Variants in ANK3 observed in about 807,000 individuals in gnomAD.
ANK3 encodes the protein ankyrin-3.
Under a neutral mutation model 370.9 loss-of-function variants are expected in ANK3, and 57 were observed. The ratio of observed to expected loss-of-function variants is 0.15; its 90% confidence interval spans 0.12 to 0.19. ANK3 has a LOEUF of 0.19. Ranked by LOEUF, ANK3 falls within the 10% of genes least tolerant of loss-of-function variation. The pLI is 1.00. For synonymous variants in ANK3, 1,929 were observed against 1,946.3 expected (o/e 0.99, Z 0.23); for missense variants, 4,439 against 5,302.1 (o/e 0.84, Z 5.06).
chr10:60,599,246 T>G (rs1027187658), intron 2 of ANK3, among the ~76,000 whole-genome samples: 7 of 152,134 alleles, frequency 4.6e-5, no homozygotes, highest in Non-Finnish European at 1.0e-4. Flanking sequence ...TTGGTAGTTA[T>G]GACAGACTCA....
chr10:60,141,895 A>G (rs2094586858), intron 23 of ANK3, among the ~76,000 whole-genome samples: 1 of 152,134 alleles, frequency 6.6e-6, no homozygotes, highest in African/African-American at 2.4e-5. Flanking sequence ...ATACATGGAA[A>G]TAGAAGGGAA....
chr10:60,585,387 A>G (rs2077817081), intron 2 of ANK3, among the ~76,000 whole-genome samples: 1 of 152,188 alleles, frequency 6.6e-6, no homozygotes, highest in Non-Finnish European at 1.5e-5. Flanking sequence ...AAGTTTAAGT[A>G]TAGGATAGAG....
At chr10:60,589,338 G>A (rs1425222535) in intron 2 of ANK3, among the ~76,000 whole-genome samples, 2 of 152,044 alleles carry the variant, frequency 1.3e-5, no homozygotes, top group African/African-American at 2.4e-5. Context: ...AAAAGTTTAG[G>A]CAAAATAAAC....
intron 1 of ANK3, among the ~76,000 whole-genome samples, chr10:60,336,589 A>G (rs1421914527): frequency 1.3e-5 from 2 of 152,068 alleles, no homozygotes; most frequent in African/African-American, 4.8e-5. Context: ...CTATCTATCT[A>G]TCTATCTATT....
chr10:60,138,281 C>T (rs1306662992), intron 24 of ANK3, among the ~76,000 whole-genome samples: 1 of 152,134 alleles, frequency 6.6e-6, no homozygotes, highest in Non-Finnish European at 1.5e-5. Context: ...AAGAAGTCTC[C>T]AAATTCTGCA....
At chr10:60,470,215 G>A (rs1199029408) in intron 2 of ANK3, among the ~76,000 whole-genome samples, 1 of 152,136 alleles carries the variant, frequency 6.6e-6, no homozygotes, top group Non-Finnish European at 1.5e-5. Context: ...CAGGGGAAAT[G>A]TGTATTTTAC....
intron 2 of ANK3, among the ~76,000 whole-genome samples, chr10:60,551,712 A>C (rs550651482): frequency 6.6e-6 from 1 of 152,322 alleles, no homozygotes; most frequent in Middle Eastern, 3.4e-3. Context: ...GTCTTTTTGA[A>C]AAATTAGGCT....
intron 7 of ANK3, among the ~76,000 whole-genome samples, chr10:60,240,048 C>CACAT (rs1555184806): frequency 7.1e-4 from 102 of 143,436 alleles, no homozygotes; most frequent in African/African-American, 2.5e-3. Context: ...CATATATATA[C>CACAT]ATATATACAC....
In ANK3 at chr10:60,071,624, C is replaced by G; in HGVS notation, c.9257G>C (p.Gly3086Ala). The change falls in exon 37 of 44, where the codon GGG (glycine) becomes GCG (alanine). Residue 3086 changes from glycine to alanine, a missense_variant. Gly to Ala is a moderately conservative substitution (Grantham distance 60). Coordinates refer to ENST00000280772, the MANE Select transcript of ANK3 (RefSeq NM_020987.5). Reference sequence around the variant, plus strand: ...AACGGGTAAAGTTTTTATCTCTTTCCCTCCCTCTGTCTGGGCTAGTGGTGC... The same window carrying G: ...AACGGGTAAAGTTTTTATCTCTTTCGCTCCCTCTGTCTGGGCTAGTGGTGC... ...KLAPLAQTEG[G>A]KEIKTLPVYV... 6.2e-7 allele frequency: 1 copy of G among 1,613,350 alleles called. No homozygotes were observed. The highest frequency in any genetic ancestry group is 8.5e-7 in the Non-Finnish European group (1 of 1,179,756).
intron 12 of ANK3, 90 bp from the exon 13 acceptor site, chr10:60,200,317 C>A: frequency 9.9e-7 from 1 of 1,010,708 alleles, no homozygotes. Flanking sequence ...GGACTTTTTT[C>A]AAAAATAAAA....
At chr10:60,458,435 C>G (rs986936093) in intron 2 of ANK3, among the ~76,000 whole-genome samples, 5 of 152,082 alleles carry the variant, frequency 3.3e-5, no homozygotes, top group Admixed American at 2.0e-4. Context: ...AGGCACCCCT[C>G]CAGACCCCAA....
At chr10:60,169,791 T>C (rs2095732880) in intron 21 of ANK3, among the ~76,000 whole-genome samples, 1 of 152,178 alleles carries the variant, frequency 6.6e-6, no homozygotes, top group Non-Finnish European at 1.5e-5. Context: ...TTCAAGACTA[T>C]TATATTTATT....
At chr10:60,216,202 T>G (rs867813561) in intron 8 of ANK3, among the ~76,000 whole-genome samples, 19 of 152,166 alleles carry the variant, frequency 1.2e-4, no homozygotes, top group Non-Finnish European at 2.6e-4. Context: ...TAAAATCATG[T>G]CATCTGCAAA....
rs1323182126 is a variant in ANK3, at chr10:60,432,732, C to G, written c.97-153093G>C. Among the ~76,000 whole-genome samples, 6 of 152,136 alleles carry G rather than the reference C, an allele frequency of 3.9e-5. No homozygotes were observed. In the East Asian group the frequency reaches 1.2e-3, roughly 29 times the overall value. Reference sequence around the variant, plus strand: ...TTCAGGTGGAGGCCTAGGAGGAGGCCCAGCATGGGTACAGGAATAAAATGT... The same window carrying G: ...TTCAGGTGGAGGCCTAGGAGGAGGCGCAGCATGGGTACAGGAATAAAATGT... On this transcript the variant is annotated intron_variant, in intron 2 of 43. Transcript: ENST00000373827.
chr10:60,311,080 C>A (rs894982284), intron 1 of ANK3, among the ~76,000 whole-genome samples: 1 of 152,132 alleles, frequency 6.6e-6, no homozygotes, highest in Non-Finnish European at 1.5e-5. Context: ...CATTAAAATG[C>A]CAGACTTAGT....
At chr10:60,514,531 C>G (rs1056256776) in intron 2 of ANK3, among the ~76,000 whole-genome samples, 1 of 151,980 alleles carries the variant, frequency 6.6e-6, no homozygotes, top group Non-Finnish European at 1.5e-5. Flanking sequence ...GCAGTTGGAT[C>G]CCCCCATATA....
In ANK3 at chr10:60,151,610, A is replaced by G. The variant is rs576163815; in HGVS notation, c.2615-12523T>C. The stretch of plus-strand genomic sequence containing the variant: ...GAAAAAAAAAAGTGTTCAAAATTAC[A>G]ATCTGTTTCAGCCACCATGCTTCTT... On this transcript the variant is annotated intron_variant, in intron 23 of 43. Transcript: ENST00000280772. 9.8e-5 allele frequency among the ~76,000 whole-genome samples: 15 copies of G among 152,318 alleles called. No individual in the cohort carries two copies. The East Asian group carries it at 2.9e-3, about 29-fold the overall frequency.
chr10:60,431,960 C>T (rs910154119), intron 2 of ANK3, among the ~76,000 whole-genome samples: 2 of 152,248 alleles, frequency 1.3e-5, no homozygotes, highest in Middle Eastern at 3.4e-3. Flanking sequence ...AAACTGTATG[C>T]CTTAACTCTA....
At chr10:60,704,524 G>GA (rs56978047) in intron 1 of ANK3, among the ~76,000 whole-genome samples, 1,696 of 150,834 alleles carry the variant, frequency 0.011, 28 homozygotes, top group African/African-American at 0.039. Context: ...AAAACTCAGA[G>GA]AAAAAAAAAT....
Sources: allele counts gnomAD v4.1 joint callset (sites outside exome capture counted in the v4.1 genomes callset), GRCh38; gene constraint gnomAD v4.1.1; transcripts MANE v1.5; gene names NCBI Gene and HGNC (gene_info 2026-07-23, HGNC 2026-07-21).